SGCD: variants seen among roughly 807,000 people sequenced by gnomAD.
SGCD encodes delta-sarcoglycan.
Under a neutral mutation model 36.6 loss-of-function variants are expected in SGCD, and 18 were observed. The observed-to-expected ratio is 0.49, with a 90% CI of 0.34 to 0.73. The LOEUF (loss-of-function observed/expected upper bound fraction) is 0.73, where lower values mean the gene tolerates loss of function less well. SGCD is among the 30% of genes least tolerant of loss of function. The pLI, the probability that SGCD is intolerant of heterozygous loss-of-function variation, is 0.01. For missense variants in SGCD, 387 were observed against 346.7 expected (o/e 1.12, Z -0.92); for synonymous variants, 133 against 130.6 (o/e 1.02, Z -0.12).
At chr5:155,772,143 C>G in the SGCD span, among the ~76,000 whole-genome samples, 2 of 152,070 alleles carry the variant, frequency 1.3e-5, no homozygotes, top group Non-Finnish European at 2.9e-5. Context: ...CTTGCCTCTT[C>G]CTGGGAAAAG....
intron 4 of SGCD, among the ~76,000 whole-genome samples, chr5:156,535,462 T>C (rs6866857): frequency 1.0e-3 from 158 of 152,362 alleles, no homozygotes; most frequent in Middle Eastern, 6.8e-3. Context: ...TGAGATTCCA[T>C]GTTGAAACTC....
chr5:155,864,303 C>T, the SGCD span, among the ~76,000 whole-genome samples: 1 of 152,082 alleles, frequency 6.6e-6, no homozygotes, highest in African/African-American at 2.4e-5. Context: ...AGGATATTGG[C>T]TGTACTCAGA....
chr5:156,751,470 A>G (rs892431193), intron 7 of SGCD, among the ~76,000 whole-genome samples: 8 of 152,246 alleles, frequency 5.3e-5, no homozygotes, highest in Non-Finnish European at 7.3e-5. Flanking sequence ...ATTTGTCTGC[A>G]TTAAAATGTA....
At chr5:156,526,040 C>A (rs932398520) in intron 4 of SGCD, among the ~76,000 whole-genome samples, 4 of 151,886 alleles carry the variant, frequency 2.6e-5, no homozygotes, top group Admixed American at 1.3e-4. Flanking sequence ...CAGTTTTGTT[C>A]TTCTTGGTTT....
At chr5:155,993,149 TC>T (rs1279980499) in intron 1 of SGCD, among the ~76,000 whole-genome samples, 1 of 152,084 alleles carries the variant, frequency 6.6e-6, no homozygotes, top group Non-Finnish European at 1.5e-5. Flanking sequence ...AGGCTCTTGC[TC>T]CCATTTTCCC....
chr5:156,225,082 CATT>C (rs1444416277), intron 3 of SGCD, among the ~76,000 whole-genome samples: 1 of 152,078 alleles, frequency 6.6e-6, no homozygotes, highest in Non-Finnish European at 1.5e-5. Flanking sequence ...TCACCAATGG[CATT>C]GTTGTGTACC....
the SGCD span, among the ~76,000 whole-genome samples, chr5:155,836,021 G>T: frequency 6.6e-6 from 1 of 152,152 alleles, no homozygotes; most frequent in Non-Finnish European, 1.5e-5. Flanking sequence ...TCCACTGGGG[G>T]TCTTGAAAAG....
chr5:155,879,871 ATGG>A (rs1385117410), intron 1 of SGCD, among the ~76,000 whole-genome samples: 1 of 152,168 alleles, frequency 6.6e-6, no homozygotes, highest in African/African-American at 2.4e-5. Context: ...TGTTGTAGGC[ATGG>A]TGTAGTTTGA....
intron 3 of SGCD, 85 bp downstream of exon 3, chr5:156,344,762 T>A: frequency 9.1e-7 from 1 of 1,104,556 alleles, no homozygotes; most frequent in Non-Finnish European, 1.3e-6. Flanking sequence ...GGAAAAGTGA[T>A]ATTATTACAG....
At chr5:155,786,537 T>C in the SGCD span, among the ~76,000 whole-genome samples, 2 of 151,982 alleles carry the variant, frequency 1.3e-5, no homozygotes, top group Non-Finnish European at 2.9e-5. Context: ...CAGATCAGGA[T>C]GAACAAAGGA....
chr5:156,290,688 G>A (rs572409604), intron 3 of SGCD, among the ~76,000 whole-genome samples: 1 of 152,256 alleles, frequency 6.6e-6, no homozygotes, highest in Non-Finnish European at 1.5e-5. Flanking sequence ...TAATTTTGCA[G>A]AAATTAAATT....
At chr5:155,748,627 G>A in the SGCD span, among the ~76,000 whole-genome samples, 15 of 152,218 alleles carry the variant, frequency 9.9e-5, no homozygotes, top group Middle Eastern at 3.4e-3. Flanking sequence ...CACATTTTGA[G>A]GCTCTGTTTG....
chr5:155,868,172 C>T (rs1755558157), upstream of SGCD, among the ~76,000 whole-genome samples: 1 of 151,982 alleles, frequency 6.6e-6, no homozygotes, highest in Non-Finnish European at 1.5e-5. Flanking sequence ...AGGCCTCAGC[C>T]TCCCAAGTAG....
rs115751603 is a variant in SGCD, at chr5:156,393,126, C to T, written c.192+48449C>T. Among the ~76,000 whole-genome samples the T allele has an allele frequency of 2.7e-3, 416 of 152,296 alleles. 2 individuals carry two copies. The highest frequency in any genetic ancestry group is 9.4e-3 in the African/African-American group (390 of 41,556). On this transcript the variant is annotated intron_variant, in intron 3 of 8. Transcript: ENST00000337851. Reference sequence around the variant, plus strand: ...CCATATCATTTAAAGGGACCACGCCCTTCTCTTCTCAGCATTTCGCTTCTC... The same window carrying T: ...CCATATCATTTAAAGGGACCACGCCTTTCTCTTCTCAGCATTTCGCTTCTC...
At chr5:156,529,944 T>C (rs1396148802) in intron 4 of SGCD, among the ~76,000 whole-genome samples, 3 of 152,338 alleles carry the variant, frequency 2.0e-5, no homozygotes, top group African/African-American at 7.2e-5. Flanking sequence ...GTCTGCAAAG[T>C]AAATGAGGCT....
At chr5:156,018,190 T>C (rs1255544261) in intron 1 of SGCD, among the ~76,000 whole-genome samples, 1 of 152,154 alleles carries the variant, frequency 6.6e-6, no homozygotes, top group African/African-American at 2.4e-5. Flanking sequence ...ACTAGATAAA[T>C]AGATAAATAA....
rs73301324 is a variant in SGCD, at chr5:155,890,118, C to T, written c.-282+19694C>T. ...CTACACTAAGGTTTAATACTCATGG[C>T]TATATTTGAGGCTTGGAAAGCCATG... On this transcript the variant is annotated intron_variant, in intron 1 of 9. Transcript: ENST00000517913. Among the ~76,000 whole-genome samples the T allele has an allele frequency of 1.6e-3, 248 of 152,252 alleles. 1 individual carries two copies. Among genetic ancestry groups the T allele is most frequent in the African/African-American group, 5.7e-3 (238 of 41,544 alleles).
At chr5:156,349,944 G>A (rs78000602) in intron 3 of SGCD, among the ~76,000 whole-genome samples, 1 of 151,904 alleles carries the variant, frequency 6.6e-6, no homozygotes, top group Non-Finnish European at 1.5e-5. Context: ...AAGTTGTATG[G>A]AACCAGAGGC....
intron 1 of SGCD, among the ~76,000 whole-genome samples, chr5:155,993,770 G>C (rs1341503948): frequency 6.6e-6 from 1 of 152,118 alleles, no homozygotes; most frequent in African/African-American, 2.4e-5. Context: ...GGGCCAGTTT[G>C]GTCTTCTTCA....
Sources: allele counts gnomAD v4.1 joint callset (sites outside exome capture counted in the v4.1 genomes callset), GRCh38; gene constraint gnomAD v4.1.1; transcripts MANE v1.5; gene names NCBI Gene and HGNC (gene_info 2026-07-23, HGNC 2026-07-21).